The following DNAJC11 variants were observed in gnomAD, a reference collection of about 807,000 sequenced individuals.
DNAJC11 encodes DnaJ heat shock protein family (Hsp40) member C11.
Under a neutral mutation model 78.6 loss-of-function variants are expected in DNAJC11, and 15 were observed. That is an observed-to-expected ratio of 0.19 (90% CI 0.13 to 0.29). DNAJC11 has a LOEUF of 0.29. Ranked by LOEUF, DNAJC11 falls within the 10% of genes least tolerant of loss-of-function variation. DNAJC11 has a pLI of 1.00. For missense variants in DNAJC11, 547 were observed against 709.6 expected (o/e 0.77, Z 2.60); for synonymous variants, 292 against 272.1 (o/e 1.07, Z -0.72).
In DNAJC11 at chr1:6,653,765, G is replaced by T; in HGVS notation, c.507+146C>A. The T allele has an allele frequency of 2.7e-6, 3 of 1,101,692 alleles. No individual in the cohort carries two copies. Among genetic ancestry groups the T allele is most frequent in the Non-Finnish European group, 3.9e-6 (3 of 778,916 alleles). The allele number at this position is 1,101,692 out of a possible 1,614,324, so 68.2% of individuals were successfully genotyped here. On this transcript the variant is annotated intron_variant, in intron 5 of 15. Transcript: ENST00000377577. The surrounding 1 kb of genome is among the most constrained non-coding windows in gnomAD (Gnocchi z 4.5). ...GGTAACACACGGCTGGGAATGAAGC[G>T]CTTTCTTTTTTAAGTGGCTAATTGC... is the stretch of plus-strand genomic sequence containing the variant.
intron 12 of DNAJC11, chr1:6,638,030 T>C (rs1641812706): frequency 2.4e-6 from 1 of 423,922 alleles, no homozygotes; most frequent in Non-Finnish European, 4.2e-6. Flanking sequence ...TGCTCCCTCC[T>C]GCTCAGTAAA....
chr1:6,642,697 G>C (rs1195500561), intron 10 of DNAJC11, among the ~76,000 whole-genome samples: 1 of 152,234 alleles, frequency 6.6e-6, no homozygotes, highest in South Asian at 2.1e-4. Flanking sequence ...TAAAAAAAGA[G>C]AGAGAGATGG....
At chr1:6,676,222 G>A (rs1186713389) in intron 3 of DNAJC11, among the ~76,000 whole-genome samples, 1 of 152,092 alleles carries the variant, frequency 6.6e-6, no homozygotes, top group Admixed American at 6.6e-5. Flanking sequence ...GTGGGGACTG[G>A]GACAAATTGG....
At chr1:6,673,422 C>G (rs1642411465) in intron 3 of DNAJC11, among the ~76,000 whole-genome samples, 1 of 152,042 alleles carries the variant, frequency 6.6e-6, no homozygotes, top group African/African-American at 2.4e-5. Context: ...GGCAAGTCAC[C>G]TTTCTAAGCT....
intron 1 of DNAJC11, among the ~76,000 whole-genome samples, chr1:6,700,244 T>G (rs189085030): frequency 6.6e-6 from 1 of 152,188 alleles, no homozygotes; most frequent in African/African-American, 2.4e-5. Flanking sequence ...CACAAAAAAT[T>G]GCTCCTAACT....
At chr1:6,651,086 T>C (rs12145525) in intron 7 of DNAJC11, 180,820 of 534,292 alleles carry the variant, frequency 0.34, 32,311 homozygotes, top group South Asian at 0.46. Context: ...GAGTGTGACA[T>C]GGCAGCAGCA....
At chr1:6,697,081 G>A (rs1162313149) in intron 1 of DNAJC11, among the ~76,000 whole-genome samples, 1 of 152,190 alleles carries the variant, frequency 6.6e-6, no homozygotes, top group Non-Finnish European at 1.5e-5. Flanking sequence ...TCAGAGGAGT[G>A]AGATTTTAGG....
chr1:6,649,256 G>A (rs1373047036), intron 7 of DNAJC11, among the ~76,000 whole-genome samples: 3 of 151,652 alleles, frequency 2.0e-5, no homozygotes, highest in Non-Finnish European at 2.9e-5. Flanking sequence ...TGCAAGCTCC[G>A]CCTCCTGGGT....
chr1:6,647,973 G>T (rs960272878), intron 7 of DNAJC11, among the ~76,000 whole-genome samples: 1 of 152,160 alleles, frequency 6.6e-6, no homozygotes, highest in Non-Finnish European at 1.5e-5. Flanking sequence ...AAATGCTGAT[G>T]ATCAGTCCAC....
At chr1:6,684,833 T>C (rs935951460) in intron 1 of DNAJC11, among the ~76,000 whole-genome samples, 1 of 152,224 alleles carries the variant, frequency 6.6e-6, no homozygotes, top group Non-Finnish European at 1.5e-5. Flanking sequence ...ATACTTTAAG[T>C]CTATAATCTT....
intron 3 of DNAJC11, among the ~76,000 whole-genome samples, chr1:6,677,313 G>A (rs1642480653): frequency 1.3e-5 from 2 of 151,800 alleles, no homozygotes; most frequent in Admixed American, 6.6e-5. Context: ...TTTTTTGTGA[G>A]ACAGGGTCTT....
rs780020310 is a variant in DNAJC11, at chr1:6,654,037, T to A, written c.381A>T (p.Gly127=). Reference sequence around the variant, plus strand: ...TGGCATCTACTCCAACGCTGATCGTTCCCTGGGGCAGAAAAACAAGCCGTC... The same window carrying A: ...TGGCATCTACTCCAACGCTGATCGTACCCTGGGGCAGAAAAACAAGCCGTC... The part of the protein sequence containing the change: ...RRLQQRTNPK[G]TISVGVDATD... The change falls in exon 5 of 16, where the codon GGA becomes GGT. Residue 127 remains glycine, a splice_region_variant and synonymous_variant. Transcript: ENST00000377577. 3 of 1,612,220 alleles carry A rather than the reference T, an allele frequency of 1.9e-6. No individual in the cohort carries two copies. The South Asian group carries it at 3.3e-5, about 18-fold the overall frequency.
chr1:6,699,558 T>C (rs1642891739), intron 1 of DNAJC11, among the ~76,000 whole-genome samples: 1 of 152,126 alleles, frequency 6.6e-6, no homozygotes, highest in Non-Finnish European at 1.5e-5. Flanking sequence ...ATTGCTTGAC[T>C]TCTAAAAACT....
intron 10 of DNAJC11, among the ~76,000 whole-genome samples, chr1:6,641,779 TTCAC>T (rs1457589650): frequency 1.3e-5 from 2 of 152,168 alleles, no homozygotes; most frequent in Non-Finnish European, 2.9e-5. Context: ...TCCACTTTGA[TTCAC>T]TCACTGAGTT....
intron 7 of DNAJC11, among the ~76,000 whole-genome samples, chr1:6,648,402 T>C (rs1252584875): frequency 6.6e-6 from 1 of 152,202 alleles, no homozygotes; most frequent in Non-Finnish European, 1.5e-5. Flanking sequence ...GCGACCCGCC[T>C]GCCTTGGCCT....
At chr1:6,648,327 TGTATTTTTA>T (rs1641999128) in intron 7 of DNAJC11, among the ~76,000 whole-genome samples, 2 of 152,178 alleles carry the variant, frequency 1.3e-5, no homozygotes, top group Non-Finnish European at 2.9e-5. Flanking sequence ...GGCTAATTTT[TGTATTTTTA>T]GTAGAGACAG....
At chr1:6,698,873 G>A (rs949097392) in intron 1 of DNAJC11, among the ~76,000 whole-genome samples, 8 of 150,666 alleles carry the variant, frequency 5.3e-5, no homozygotes, top group African/African-American at 9.7e-5. Context: ...GCCGGGGAAG[G>A]TCGAGGCTGC....
intron 4 of DNAJC11, among the ~76,000 whole-genome samples, chr1:6,657,353 G>A (rs1642142303): frequency 6.6e-6 from 1 of 152,146 alleles, no homozygotes; most frequent in African/African-American, 2.4e-5. Flanking sequence ...AGCGATGCCA[G>A]CCACCTCCGC....
chr1:6,670,227 C>T (rs1331900388), intron 3 of DNAJC11, among the ~76,000 whole-genome samples: 2 of 151,992 alleles, frequency 1.3e-5, no homozygotes, highest in East Asian at 1.9e-4. Context: ...TTTTAAAATA[C>T]AAGCTTATAG....
Sources: gnomAD v4.1 joint callset for allele counts (sites outside exome capture counted in the v4.1 genomes callset) on GRCh38, gnomAD v4.1.1 for gene constraint, Gnocchi (gnomAD v3.1) non-coding constraint, MANE v1.5 for transcripts, NCBI Gene and HGNC (gene_info 2026-07-23, HGNC 2026-07-21) for gene names.